LRFN3: variants seen among roughly 807,000 people sequenced by gnomAD.
LRFN3 encodes leucine rich repeat and fibronectin type III domain containing 3, also known as leucine-rich repeat and fibronectin type-III domain-containing protein 3.
Under a neutral mutation model 23.8 loss-of-function variants are expected in LRFN3, and 8 were observed. That is an observed-to-expected ratio of 0.34 (90% confidence interval 0.20 to 0.61). The LOEUF (loss-of-function observed/expected upper bound fraction) is 0.61. Among genes scored for constraint, LRFN3 ranks in the 20% least tolerant of loss-of-function variants. The probability of loss-of-function intolerance (pLI) is 0.80; values close to 1 mark genes in which losing one functional copy is unlikely to be tolerated. For synonymous variants in LRFN3, 451 were observed against 450.6 expected (o/e 1.00, Z -0.01); for missense variants, 736 against 935.3 (o/e 0.79, Z 2.78).
intron 2 of LRFN3, among the ~76,000 whole-genome samples, chr19:35,942,972 T>C (rs901166099): frequency 6.7e-6 from 1 of 149,268 alleles, no homozygotes; most frequent in Non-Finnish European, 1.5e-5. Flanking sequence ...GAGGTTGCAG[T>C]GAGCCGAGGC....
intron 1 of LRFN3, among the ~76,000 whole-genome samples, chr19:35,938,441 C>T (rs1230908326): frequency 1.3e-5 from 2 of 151,676 alleles, no homozygotes; most frequent in East Asian, 1.9e-4. Flanking sequence ...TTCTCTCGCT[C>T]GCTGATGCCC....
chr19:35,939,502 G>T lies in LRFN3; in HGVS notation c.77G>T (p.Ser26Ile). 6.2e-7 allele frequency: 1 copy of T among 1,605,858 alleles called. No homozygotes were observed. ...TCCCCACCCCAGTCAGCCACACCCAGCCCATGTCCCCGCCGCTGCCGCTGC... is the reference window on the plus strand; with the variant it reads ...TCCCCACCCCAGTCAGCCACACCCATCCCATGTCCCCGCCGCTGCCGCTGC... ...ASSPPQSATP[S>I]PCPRRCRCQT... Residue 26 changes from serine to isoleucine, a missense_variant, in exon 2 of 3, where the codon AGC (serine) becomes ATC (isoleucine). Physicochemically the swap from Ser to Ile is moderately radical, Grantham distance 142. This residue lies in a region of LRFN3 where 446 missense variants were observed against 647.9 expected (regional missense o/e 0.69). Coordinates refer to ENST00000246529, the MANE Select transcript of LRFN3 (RefSeq NM_024509.2). The surrounding 1 kb of genome is among the most constrained non-coding windows in gnomAD (Gnocchi z 6.4).
Position 35,940,140 on chromosome 19 carries a change from G to A in LRFN3, c.715G>A (p.Ala239Thr), listed in dbSNP as rs749851389. The A allele has an allele frequency of 7.4e-6, 12 of 1,610,904 alleles. No homozygotes were observed. Among genetic ancestry groups the A allele is most frequent in the Admixed American group, 5.0e-5 (3 of 59,958 alleles). Residue 239 changes from alanine (A) to threonine (T), a missense_variant, in exon 2 of 3, where the codon GCC (alanine) becomes ACC (threonine). Around this residue, in one of 2 missense-constraint regions of LRFN3, gnomAD observed 446 missense variants for 647.9 expected, o/e 0.69. Transcript: ENST00000246529. ...PLLARPRGSP[A>T]SALVLAFGGN... ...GCTCGCCAGGCCCCGGGGCTCGCCC[G>A]CCTCTGCCCTGGTGCTGGCCTTTGG...
Position 35,940,100 on chromosome 19 carries a change from C to T in LRFN3, c.675C>T (p.Phe225=), listed in dbSNP as rs7247644. ...CCACAATCCCACCCGACCCACTCTTCTCCCGCCTGCCCCTGCTCGCCAGGC... is the reference window on the plus strand; with the variant it reads ...CCACAATCCCACCCGACCCACTCTTTTCCCGCCTGCCCCTGCTCGCCAGGC... ...RLTTIPPDPL[F]SRLPLLARPR... Residue 225 remains phenylalanine (F), a synonymous_variant, in exon 2 of 3, where the codon TTC becomes TTT. Transcript: ENST00000246529. 3.0e-4 allele frequency: 481 copies of T among 1,611,974 alleles called. 1 individual carries two copies. The African/African-American group carries it at 5.1e-3, about 17-fold the overall frequency.
rs1435383334 is a variant in LRFN3, at chr19:35,939,645, G to A, written c.220G>A (p.Val74Met). The A allele has an allele frequency of 6.8e-6, 11 of 1,608,524 alleles. No homozygotes were observed. Among genetic ancestry groups the A allele is most frequent in the East Asian group, 4.5e-5 (2 of 44,856 alleles). The change falls in exon 2 of 3, where the codon GTG becomes ATG. Residue 74 changes from valine (V) to methionine (M), a missense_variant. Physicochemically the swap from Val to Met is conservative, Grantham distance 21. This residue lies in a region of LRFN3 where 446 missense variants were observed against 647.9 expected (regional missense o/e 0.69). Transcript: ENST00000246529. The surrounding 1 kb of genome is among the most constrained non-coding windows in gnomAD (Gnocchi z 6.4). ...GCTGGCAGACAACTTCATCGCCTCC[G>A]TGCGCCGCCGCGACCTGGCCAACAT... ...LRLADNFIASVRRRDLANMTG... is the reference protein window; with the variant it reads ...LRLADNFIASMRRRDLANMTG...
chr19:35,943,234 G>T (rs12972746), intron 2 of LRFN3, among the ~76,000 whole-genome samples: 4,124 of 152,254 alleles, frequency 0.027, 83 homozygotes, highest in Non-Finnish European at 0.045. Flanking sequence ...GTGAAATTGG[G>T]TGGTAAGGAT....
In LRFN3 at chr19:35,946,198, G is replaced by A. The variant is rs1168195697; in HGVS notation, c.*1179G>A. On this transcript the variant is annotated 3_prime_UTR_variant, in exon 3 of 3. Coordinates refer to ENST00000246529, the MANE Select transcript of LRFN3 (RefSeq NM_024509.2). ...TGTCCAGGATGTGGCATTCAGGAGGGTGCAGGACCCCTGGTCTGAGGCTGA... is the reference window on the plus strand; with the variant it reads ...TGTCCAGGATGTGGCATTCAGGAGGATGCAGGACCCCTGGTCTGAGGCTGA... Among the ~76,000 whole-genome samples the A allele has an allele frequency of 6.6e-6, 1 of 152,020 alleles. No individual in the cohort carries two copies. Among genetic ancestry groups the A allele is most frequent in the East Asian group, 1.9e-4 (1 of 5,194 alleles).
In LRFN3 at chr19:35,939,439, C is replaced by G; in HGVS notation, c.14C>G (p.Pro5Arg). Residue 5 changes from proline to arginine, a missense_variant, in exon 2 of 3, where the codon CCG (proline) becomes CGG (arginine). Pro to Arg is a moderately radical substitution (Grantham distance 103, BLOSUM62 -2). Around this residue, in one of 2 missense-constraint regions of LRFN3, gnomAD observed 446 missense variants for 647.9 expected, o/e 0.69. Coordinates refer to ENST00000246529, the MANE Select transcript of LRFN3 (RefSeq NM_024509.2). This position sits in a 1 kb window ranked among gnomAD's most constrained non-coding sequence, Gnocchi z 6.4. MAIL[P>R]LLLCLLPLAP... ...CCCCTGCCCGCGATGGCCATCCTCC[C>G]GTTGCTCCTGTGCCTGCTGCCGCTG... 6.3e-7 allele frequency: 1 copy of G among 1,587,146 alleles called. No homozygotes were observed. Among genetic ancestry groups the G allele is most frequent in the Non-Finnish European group, 8.6e-7 (1 of 1,168,112 alleles).
chr19:35,941,592 A>G (rs1160011885), intron 2 of LRFN3, among the ~76,000 whole-genome samples: 5 of 151,854 alleles, frequency 3.3e-5, no homozygotes, highest in Non-Finnish European at 7.4e-5. Context: ...TTTTTGAGAC[A>G]GGGTCTCACT....
rs867948477 is a variant in LRFN3 at position 35,944,900 on chromosome 19, C to A, written c.1768C>A (p.Leu590Met). 1 of 1,588,372 alleles carries A rather than the reference C, an allele frequency of 6.3e-7. No homozygotes were observed. Among genetic ancestry groups the A allele is most frequent in the Non-Finnish European group, 8.5e-7 (1 of 1,175,166 alleles). ...CGTTTGCTCCCAGACCAACGGCGCC[C>A]TGGGCCCCACGCCCACGCCCGCCCC... is the stretch of plus-strand genomic sequence containing the variant. The part of the protein sequence containing the change: ...SSVCSQTNGA[L>M]GPTPTPAPPA... The change falls in exon 3 of 3, where the codon CTG (leucine) becomes ATG (methionine). Residue 590 changes from leucine (L) to methionine (M), a missense_variant. By Grantham distance (15) the Leu-to-Met change is conservative. This residue lies in a region of LRFN3 where 290 missense variants were observed against 287.4 expected (regional missense o/e 1.01). Coordinates refer to ENST00000246529, the MANE Select transcript of LRFN3 (RefSeq NM_024509.2). The surrounding 1 kb of genome is among the most constrained non-coding windows in gnomAD (Gnocchi z 4.5).
At chr19:35,942,772 A>G (rs1322405515) in intron 2 of LRFN3, among the ~76,000 whole-genome samples, 1 of 152,102 alleles carries the variant, frequency 6.6e-6, no homozygotes, top group Non-Finnish European at 1.5e-5. Flanking sequence ...CTTAACCCCT[A>G]TAATCCCAGC....
chr19:35,944,715 G>C lies in LRFN3; in HGVS notation c.1583G>C (p.Gly528Ala). ...FSTEPALRPC[G>A]APHAPFLGGT... ...ACCGAACCTGCGCTGCGGCCATGCG[G>C]GGCGCCGCACGCTCCCTTCCTGGGC... The change falls in exon 3 of 3, where the codon GGG becomes GCG. Residue 528 changes from glycine (G) to alanine (A), a missense_variant. Gly to Ala is a moderately conservative substitution (Grantham distance 60). This residue lies in a region of LRFN3 where 290 missense variants were observed against 287.4 expected (regional missense o/e 1.01). Coordinates refer to ENST00000246529, the MANE Select transcript of LRFN3 (RefSeq NM_024509.2). The surrounding 1 kb of genome is among the most constrained non-coding windows in gnomAD (Gnocchi z 4.5). 1 of 1,604,838 alleles carries C rather than the reference G, an allele frequency of 6.2e-7. No individual in the cohort carries two copies. Among genetic ancestry groups the C allele is most frequent in the Non-Finnish European group, 8.5e-7 (1 of 1,176,482 alleles).
chr19:35,945,056 C>A lies in LRFN3; in HGVS notation c.*37C>A. 8.2e-7 allele frequency: 1 copy of A among 1,221,678 alleles called. No individual in the cohort carries two copies. Among genetic ancestry groups the A allele is most frequent in the Non-Finnish European group, 1.1e-6 (1 of 936,082 alleles). The allele number at this position is 1,221,678 out of a possible 1,614,324, so 75.7% of individuals were successfully genotyped here. The stretch of plus-strand genomic sequence containing the variant: ...CCCCTCTAAGGGTCCTCTGGCCCCA[C>A]GGACAGCAGGACCCGGACACCCTGT... On this transcript the variant is annotated 3_prime_UTR_variant, in exon 3 of 3. Transcript: ENST00000246529.
Position 35,940,978 on chromosome 19 carries a change from A to G in LRFN3, c.1415+138A>G, listed in dbSNP as rs75700690. ...AGGTTCCAAAAGAAATCAGAGAGCA[A>G]AAGTAAAAGAAATCAGGCAGCAAGG... is the stretch of plus-strand genomic sequence containing the variant. On this transcript the variant is annotated intron_variant, in intron 2 of 2. Coordinates refer to ENST00000246529, the MANE Select transcript of LRFN3 (RefSeq NM_024509.2). 5.0e-3 allele frequency: 6,461 copies of G among 1,287,164 alleles called. 273 individuals are homozygous for G. The African/African-American group carries it at 0.086, about 17-fold the overall frequency. The allele number at this position is 1,287,164 out of a possible 1,614,324, so 79.7% of individuals were successfully genotyped here.
chr19:35,939,614 G>A lies in LRFN3; in HGVS notation c.189G>A (p.Glu63=), dbSNP rs1180862365. 4.4e-6 allele frequency: 7 copies of A among 1,608,842 alleles called. No homozygotes were observed. The Admixed American group carries it at 1.0e-4, about 23-fold the overall frequency. Residue 63 remains glutamate (E), a synonymous_variant, in exon 2 of 3, where the codon GAG becomes GAA. Transcript: ENST00000246529. This position sits in a 1 kb window ranked among gnomAD's most constrained non-coding sequence, Gnocchi z 6.4. ...VPPSLDRRAA[E]LRLADNFIAS... ...CCTCGCTGGACCGCCGGGCAGCCGA[G>A]CTGCGGCTGGCAGACAACTTCATCG...
chr19:35,944,781 C>G lies in LRFN3; in HGVS notation c.1649C>G (p.Ser550Trp). 1 of 1,611,140 alleles carries G rather than the reference C, an allele frequency of 6.2e-7. No individual in the cohort carries two copies. The highest frequency in any genetic ancestry group is 8.5e-7 in the Non-Finnish European group (1 of 1,179,140). ...GCGCTGGGCGGCGTCATCGTAGCCT[C>G]GGTACTGGTCTTCATCTTCGTGCTG... ...IIALGGVIVA[S>W]VLVFIFVLLM... Residue 550 changes from serine to tryptophan, a missense_variant, in exon 3 of 3, where the codon TCG becomes TGG. Ser to Trp is a radical substitution (Grantham distance 177). This residue lies in a region of LRFN3 where 290 missense variants were observed against 287.4 expected (regional missense o/e 1.01). Transcript: ENST00000246529. This position sits in a 1 kb window ranked among gnomAD's most constrained non-coding sequence, Gnocchi z 4.5.
chr19:35,942,987 C>G (rs954643178), intron 2 of LRFN3, among the ~76,000 whole-genome samples: 3 of 151,674 alleles, frequency 2.0e-5, no homozygotes, highest in African/African-American at 7.3e-5. Context: ...CGAGGCTGTG[C>G]CACTGCACTC....
chr19:35,940,151 G>T lies in LRFN3; in HGVS notation c.726G>T (p.Leu242=), dbSNP rs1417774205. 6 of 1,611,124 alleles carry T rather than the reference G, an allele frequency of 3.7e-6. No individual in the cohort carries two copies. Among genetic ancestry groups the T allele is most frequent in the African/African-American group, 2.7e-5 (2 of 74,930 alleles). The change falls in exon 2 of 3, where the codon CTG becomes CTT. Residue 242 remains leucine (L), a synonymous_variant. Coordinates refer to ENST00000246529, the MANE Select transcript of LRFN3 (RefSeq NM_024509.2). ...CCCGGGGCTCGCCCGCCTCTGCCCT[G>T]GTGCTGGCCTTTGGCGGGAACCCCC... ...ARPRGSPASA[L]VLAFGGNPLH...
At chr19:35,938,746 C>A (rs1308242153) in intron 1 of LRFN3, among the ~76,000 whole-genome samples, 1 of 152,140 alleles carries the variant, frequency 6.6e-6, no homozygotes, top group Non-Finnish European at 1.5e-5. Context: ...TGAGCCCAAC[C>A]CATGCCCTCC....
Sources: gnomAD v4.1 joint callset for allele counts (sites outside exome capture counted in the v4.1 genomes callset) on GRCh38, gnomAD v4.1.1 for gene constraint, gnomAD v4.1.1 regional missense constraint, Gnocchi (gnomAD v3.1) non-coding constraint, MANE v1.5 for transcripts, NCBI Gene and HGNC (gene_info 2026-07-23, HGNC 2026-07-21) for gene names.